The following HSD17B12 variants were observed in gnomAD, a reference collection of about 807,000 sequenced individuals.
HSD17B12 encodes very-long-chain 3-oxoacyl-CoA reductase.
A neutral mutation model predicts 39.3 loss-of-function variants in HSD17B12; 32 were observed. The ratio of observed to expected loss-of-function variants is 0.81; its 90% confidence interval spans 0.61 to 1.09. The LOEUF (loss-of-function observed/expected upper bound fraction) is 1.09, where lower values mean the gene tolerates loss of function less well. Among genes scored for constraint, HSD17B12 ranks in the 50% least tolerant of loss-of-function variants. HSD17B12 has a pLI of 0.00. For missense variants in HSD17B12, 342 were observed against 382.9 expected, an observed-to-expected ratio of 0.89 and a Z score of 0.89; for synonymous variants, 150 against 146.7, an observed-to-expected ratio of 1.02 and a Z score of -0.16.
rs545183681 is a variant in HSD17B12, at chr11:43,780,827, C to G, written c.284-17493C>G. On this transcript the variant is annotated intron_variant, in intron 3 of 10. Transcript: ENST00000278353. ...GTCAAATTCTTCCTGCACCTTTCCC[C>G]AAGGTGACCTTAACTAGAATATATG... is the stretch of plus-strand genomic sequence containing the variant. Among the ~76,000 whole-genome samples, 12 of 152,242 alleles carry G rather than the reference C, an allele frequency of 7.9e-5. No individual in the cohort carries two copies. The South Asian group carries it at 2.1e-3, about 26-fold the overall frequency.
intron 6 of HSD17B12, among the ~76,000 whole-genome samples, chr11:43,818,431 T>C (rs1243670464): frequency 6.6e-6 from 1 of 152,210 alleles, no homozygotes; most frequent in Non-Finnish European, 1.5e-5. Context: ...TTTTTTCTTA[T>C]ATTGTATTAG....
At chr11:43,617,414 C>G in the HSD17B12 span, among the ~76,000 whole-genome samples, 3,884 of 152,206 alleles carry the variant, frequency 0.026, 159 homozygotes, top group African/African-American at 0.088. Context: ...CGGATCCACA[C>G]TAGAGGCATG....
In HSD17B12 at chr11:43,798,352, G is replaced by T; in HGVS notation, c.316G>T (p.Ala106Ser). ...ATTCAAAGTGGAGACAAGAACCATTGCTGTTGACTTTGCATCAGAAGATAT... is the reference window on the plus strand; with the variant it reads ...ATTCAAAGTGGAGACAAGAACCATTTCTGTTGACTTTGCATCAGAAGATAT... ...EKFKVETRTI[A>S]VDFASEDIYD... Residue 106 changes from alanine (A) to serine (S), a missense_variant, in exon 4 of 11, where the codon GCT becomes TCT. Transcript: ENST00000278353. 2 of 1,611,898 alleles carry T rather than the reference G, an allele frequency of 1.2e-6. No homozygotes were observed. The highest frequency in any genetic ancestry group is 1.7e-6 in the Non-Finnish European group (2 of 1,178,624).
intron 3 of HSD17B12, among the ~76,000 whole-genome samples, chr11:43,756,257 A>G (rs1406714165): frequency 6.6e-6 from 1 of 152,044 alleles, no homozygotes; most frequent in African/African-American, 2.4e-5. Context: ...CTGAGAGTAC[A>G]GATCTTTACA....
intron 6 of HSD17B12, among the ~76,000 whole-genome samples, chr11:43,828,566 C>T (rs115890374): frequency 1.7e-3 from 256 of 151,012 alleles, no homozygotes; most frequent in African/African-American, 6.0e-3. Flanking sequence ...TTCTTAACCA[C>T]TGAACTTGCA....
At chr11:43,694,012 G>A (rs1275031136) in intron 1 of HSD17B12, among the ~76,000 whole-genome samples, 1 of 152,202 alleles carries the variant, frequency 6.6e-6, no homozygotes, top group East Asian at 1.9e-4. Context: ...CAGATAACGT[G>A]AAAACAAAAG....
intron 1 of HSD17B12, among the ~76,000 whole-genome samples, chr11:43,683,286 G>A (rs1590655990): frequency 6.6e-6 from 1 of 152,054 alleles, no homozygotes; most frequent in Admixed American, 6.6e-5. Flanking sequence ...AAGTATTTGT[G>A]TAAGATTTAG....
intron 1 of HSD17B12, among the ~76,000 whole-genome samples, chr11:43,749,945 G>C (rs577647387): frequency 1.3e-5 from 2 of 152,104 alleles, no homozygotes; most frequent in South Asian, 2.1e-4. Context: ...GTATTCCAGA[G>C]ATAAGATATC....
intron 1 of HSD17B12, among the ~76,000 whole-genome samples, chr11:43,750,415 T>G (rs1330399853): frequency 6.6e-6 from 1 of 152,182 alleles, no homozygotes; most frequent in East Asian, 1.9e-4. Flanking sequence ...TTAGTTTTGC[T>G]TCTTTTGTTT....
the HSD17B12 span, among the ~76,000 whole-genome samples, chr11:43,657,438 G>C: frequency 6.6e-6 from 1 of 152,208 alleles, no homozygotes; most frequent in Non-Finnish European, 1.5e-5. Context: ...ATTTGATCCT[G>C]TCACTATGAT....
intron 1 of HSD17B12, among the ~76,000 whole-genome samples, chr11:43,690,396 A>ATTTTTTTTT (rs1565049786): frequency 1.5e-4 from 4 of 27,410 alleles, no homozygotes; most frequent in African/African-American, 9.8e-4. Context: ...ATATATATAT[A>ATTTTTTTTT]TATATATATT....
intron 1 of HSD17B12, among the ~76,000 whole-genome samples, chr11:43,736,380 A>G (rs1309452097): frequency 6.6e-6 from 1 of 152,136 alleles, no homozygotes; most frequent in Non-Finnish European, 1.5e-5. Context: ...TTAAGTGACA[A>G]GTAGAACAGT....
At chr11:43,767,690 A>C (rs1365808496) in intron 3 of HSD17B12, among the ~76,000 whole-genome samples, 2 of 152,212 alleles carry the variant, frequency 1.3e-5, no homozygotes, top group Admixed American at 1.3e-4. Context: ...CATTAACACC[A>C]ATAGGAATTT....
the HSD17B12 span, among the ~76,000 whole-genome samples, chr11:43,654,133 C>G: frequency 1.3e-5 from 2 of 152,096 alleles, no homozygotes; most frequent in African/African-American, 4.8e-5. Flanking sequence ...ATTTGCATTT[C>G]TCTGATGGCC....
chr11:43,591,837 A>C, the HSD17B12 span, among the ~76,000 whole-genome samples: 4 of 152,072 alleles, frequency 2.6e-5, no homozygotes, highest in African/African-American at 9.6e-5. Flanking sequence ...TTTATTTATG[A>C]CTATAAAACA....
At chr11:43,648,478 G>A in the HSD17B12 span, among the ~76,000 whole-genome samples, 1 of 152,082 alleles carries the variant, frequency 6.6e-6, no homozygotes, top group South Asian at 2.1e-4. Flanking sequence ...ACAGTCTTTA[G>A]ACAATGAAGA....
chr11:43,792,606 G>A (rs1950877754), intron 3 of HSD17B12, among the ~76,000 whole-genome samples: 1 of 148,042 alleles, frequency 6.8e-6, no homozygotes, highest in Non-Finnish European at 1.5e-5. Context: ...ACTCTAAAAT[G>A]TTTGAATTTA....
the HSD17B12 span, among the ~76,000 whole-genome samples, chr11:43,584,285 G>A: frequency 6.6e-6 from 1 of 152,176 alleles, no homozygotes; most frequent in African/African-American, 2.4e-5. Flanking sequence ...TGATTCAGAT[G>A]TGCTTGGAAG....
At chr11:43,722,320 C>T (rs1443716009) in intron 1 of HSD17B12, among the ~76,000 whole-genome samples, 1 of 152,142 alleles carries the variant, frequency 6.6e-6, no homozygotes, top group Admixed American at 6.5e-5. Flanking sequence ...CATTAGAAGA[C>T]TTTGCCATTA....
Sources: allele counts gnomAD v4.1 joint callset (sites outside exome capture counted in the v4.1 genomes callset), GRCh38; gene constraint gnomAD v4.1.1; transcripts MANE v1.5; gene names NCBI Gene and HGNC (gene_info 2026-07-23, HGNC 2026-07-21).